The following RGS3 variants were observed in gnomAD, a reference collection of about 807,000 sequenced individuals.
RGS3 encodes the protein regulator of G-protein signalling 3.
A neutral mutation model predicts 132.6 loss-of-function variants in RGS3; 80 were observed. That is an observed-to-expected ratio of 0.60 (90% confidence interval 0.50 to 0.73). The LOEUF (loss-of-function observed/expected upper bound fraction) is 0.73, where lower values mean the gene tolerates loss of function less well. RGS3 is among the 30% of genes least tolerant of loss of function. The pLI is 0.00. For missense variants in RGS3, 1,382 were observed against 1,530.8 expected, an observed-to-expected ratio of 0.90 and a Z score of 1.62; for synonymous variants, 598 against 620.6, an observed-to-expected ratio of 0.96 and a Z score of 0.54.
chr9:113,454,300 G>T (rs1303398933), intron 1 of RGS3, among the ~76,000 whole-genome samples: 1 of 152,110 alleles, frequency 6.6e-6, no homozygotes, highest in Non-Finnish European at 1.5e-5. Flanking sequence ...CTGGGATGCA[G>T]TTAAGTTACT....
chr9:113,529,221 G>C, exon 18 of RGS3: 1 of 1,612,840 alleles, frequency 6.2e-7, no homozygotes, highest in South Asian at 1.1e-5. Context: ...TCCCTCAAAG[G>C]TTCTTCAGAA....
intron 10 of RGS3, among the ~76,000 whole-genome samples, chr9:113,500,574 C>T (rs1174138311): frequency 3.3e-5 from 5 of 152,118 alleles, no homozygotes; most frequent in South Asian, 2.1e-4. Flanking sequence ...AAGATGAGGA[C>T]GCTGGGTTGT....
rs61558718 is a variant in RGS3, at chr9:113,591,338, C to T, written c.3021C>T (p.Ser1007=). The T allele has an allele frequency of 3.6e-3, 5,838 of 1,613,428 alleles. 160 individuals are homozygous for T. In the African/African-American group the frequency reaches 0.065, roughly 18 times the overall value. The change falls in exon 21 of 25, where the codon AGC becomes AGT. Residue 1007 remains serine, a synonymous_variant. Coordinates refer to ENST00000350696, the Ensembl canonical transcript of RGS3. This position sits in a 1 kb window ranked among gnomAD's most constrained non-coding sequence, Gnocchi z 4.4. ...TGTCTGTCTTCTCTCCGCAGATGAGCGGGGCTGACACCGTTGGGGATGATG... is the reference window on the plus strand; with the variant it reads ...TGTCTGTCTTCTCTCCGCAGATGAGTGGGGCTGACACCGTTGGGGATGATG...
intron 14 of RGS3, among the ~76,000 whole-genome samples, chr9:113,509,826 C>T (rs771664628): frequency 2.0e-5 from 3 of 152,154 alleles, no homozygotes; most frequent in Non-Finnish European, 2.9e-5. Context: ...TGATGGAAGA[C>T]ATCTTCTTTC....
intron 17 of RGS3, 77 bp from the exon 16 acceptor site, chr9:113,529,144 A>T: frequency 1.8e-6 from 2 of 1,126,332 alleles, no homozygotes; most frequent in Admixed American, 1.7e-5. Flanking sequence ...TGGGCAAGAC[A>T]GCTGACTGTG....
chr9:113,587,564 C>A (rs577616278), intron 20 of RGS3, among the ~76,000 whole-genome samples: 2 of 152,332 alleles, frequency 1.3e-5, no homozygotes, highest in African/African-American at 4.8e-5. Flanking sequence ...ACGTAGAAAG[C>A]TTGGGCTGGT....
At chr9:113,459,723 C>A (rs911175896), upstream of RGS3, among the ~76,000 whole-genome samples, 1 of 150,930 alleles carries the variant, frequency 6.6e-6, no homozygotes, top group Non-Finnish European at 1.5e-5. Flanking sequence ...GGTGACAGAG[C>A]GAGATTCTGT....
intron 19 of RGS3, among the ~76,000 whole-genome samples, chr9:113,562,132 C>T (rs1356431780): frequency 6.6e-6 from 1 of 152,124 alleles, no homozygotes; most frequent in Non-Finnish European, 1.5e-5. Flanking sequence ...AGAGTGTGAC[C>T]TTAGTCTCTC....
intron 1 of RGS3, among the ~76,000 whole-genome samples, chr9:113,446,821 A>G (rs1164963242): frequency 6.6e-6 from 1 of 152,102 alleles, no homozygotes; most frequent in Admixed American, 6.5e-5. Flanking sequence ...GGGAATTAGG[A>G]GCTGTTGATG....
chr9:113,521,467 C>T (rs1053283363), intron 16 of RGS3, among the ~76,000 whole-genome samples: 1 of 152,204 alleles, frequency 6.6e-6, no homozygotes, highest in African/African-American at 2.4e-5. Context: ...AAATGTATAA[C>T]TATAGAGAAA....
In RGS3 at chr9:113,580,286, C is replaced by T. The variant is rs1017139939; in HGVS notation, c.2038-3164C>T. On this transcript the variant is annotated intron_variant, in intron 19 of 24. Transcript: ENST00000350696. ...TCCCCAAACACTTGTGTGTAAGGCT[C>T]CAAGGAAACAGGGAGAGACCCTGGG... is the stretch of plus-strand genomic sequence containing the variant. Among the ~76,000 whole-genome samples the T allele has an allele frequency of 1.1e-4, 16 of 152,328 alleles. No individual in the cohort carries two copies. In the East Asian group the frequency reaches 2.7e-3, roughly 26 times the overall value.
chr9:113,584,452 G>A (rs1835018200), intron 20 of RGS3, 25 bp downstream of exon 18: 2 of 1,500,816 alleles, frequency 1.3e-6, no homozygotes, highest in African/African-American at 1.4e-5. Context: ...GGGGGAGGGA[G>A]AAGGATACAT....
At chr9:113,523,295 A>T (rs1832050478) in intron 17 of RGS3, among the ~76,000 whole-genome samples, 1 of 152,148 alleles carries the variant, frequency 6.6e-6, no homozygotes, top group South Asian at 2.1e-4. Context: ...TCGGGTAGGA[A>T]GAGCTTTGGA....
chr9:113,460,140 T>C, upstream of RGS3: 1 of 989,912 alleles, frequency 1.0e-6, no homozygotes, highest in Non-Finnish European at 1.3e-6. Flanking sequence ...TCTATTTTAC[T>C]GAACTTTTCA....
chr9:113,591,659 C>A lies in RGS3; in HGVS notation c.3080+262C>A. On this transcript the variant is annotated intron_variant, in intron 21 of 24. Coordinates refer to ENST00000350696, the Ensembl canonical transcript of RGS3. This position sits in a 1 kb window ranked among gnomAD's most constrained non-coding sequence, Gnocchi z 4.4. ...CACAGTGAACCAGAAGCAACCAGCC[C>A]GTTTGCCCTGGCTTTAGCCCAGCTT... The A allele has an allele frequency of 2.2e-6, 1 of 464,420 alleles. No individual in the cohort carries two copies. 28.8% of individuals were successfully genotyped at this position (464,420 alleles called of 1,614,324 possible).
At chr9:113,595,215 G>A (rs1241344612) in intron 23 of RGS3, 7 of 590,466 alleles carry the variant, frequency 1.2e-5, no homozygotes, top group Admixed American at 1.2e-4. Context: ...CCGGAGGCCC[G>A]TGGGACCTGT....
chr9:113,512,820 T>C (rs1388324911), intron 14 of RGS3, among the ~76,000 whole-genome samples: 1 of 152,158 alleles, frequency 6.6e-6, no homozygotes, highest in African/African-American at 2.4e-5. Flanking sequence ...GGAGTTTCCC[T>C]CCCACCTGCT....
intron 10 of RGS3, chr9:113,501,420 A>G: frequency 6.8e-7 from 1 of 1,465,808 alleles, no homozygotes; most frequent in Non-Finnish European, 9.0e-7. Flanking sequence ...CACAGCACAG[A>G]CAGGGCTTGG....
intron 20 of RGS3, among the ~76,000 whole-genome samples, chr9:113,588,182 G>C (rs1180823081): frequency 6.6e-6 from 1 of 152,204 alleles, no homozygotes; most frequent in Non-Finnish European, 1.5e-5. Context: ...TGCCAGCCCT[G>C]TTTCACTAAG....
Sources: allele counts gnomAD v4.1 joint callset (sites outside exome capture counted in the v4.1 genomes callset), GRCh38; gene constraint gnomAD v4.1.1; non-coding constraint Gnocchi (gnomAD v3.1); transcripts MANE v1.5; gene names NCBI Gene and HGNC (gene_info 2026-07-23, HGNC 2026-07-21).